Variants in COL4A2 observed in about 807,000 individuals in gnomAD.
COL4A2 encodes the protein collagen type IV alpha 2 chain.
A neutral mutation model predicts 200.2 loss-of-function variants in COL4A2; 99 were observed. The ratio of observed to expected loss-of-function variants is 0.49; its 90% confidence interval spans 0.42 to 0.58. The LOEUF is 0.58. Ranked by LOEUF, COL4A2 falls within the 20% of genes least tolerant of loss-of-function variation. The pLI, the probability that COL4A2 is intolerant of heterozygous loss-of-function variation, is 0.00. For missense variants in COL4A2, 1,950 were observed against 2,314.1 expected, an observed-to-expected ratio of 0.84 and a Z score of 3.23; for synonymous variants, 897 against 900.6, an observed-to-expected ratio of 1.00 and a Z score of 0.07.
intron 3 of COL4A2, among the ~76,000 whole-genome samples, chr13:110,327,605 T>C (rs1042922530): frequency 3.9e-5 from 6 of 152,086 alleles, no homozygotes; most frequent in Non-Finnish European, 8.8e-5. Flanking sequence ...AGATTGGGGG[T>C]GGGGTGTTGG....
intron 45 of COL4A2, among the ~76,000 whole-genome samples, chr13:110,506,102 G>C (rs1033664198): frequency 3.9e-5 from 6 of 152,198 alleles, no homozygotes; most frequent in African/African-American, 1.2e-4. Flanking sequence ...TGGGTCCCGA[G>C]GTTTCTGTGG....
intron 4 of COL4A2, among the ~76,000 whole-genome samples, chr13:110,378,987 C>CG (rs1878355043): frequency 6.6e-6 from 1 of 152,146 alleles, no homozygotes; most frequent in African/African-American, 2.4e-5. Flanking sequence ...ATCATGGAGC[C>CG]GGGGGCATTT....
chr13:110,327,349 C>T (rs1885446002), intron 3 of COL4A2, among the ~76,000 whole-genome samples: 1 of 152,242 alleles, frequency 6.6e-6, no homozygotes, highest in South Asian at 2.1e-4. Flanking sequence ...ACACAATCAC[C>T]CACTCCGGGT....
intron 4 of COL4A2, among the ~76,000 whole-genome samples, chr13:110,382,864 G>A (rs1436935998): frequency 3.3e-5 from 5 of 152,096 alleles, no homozygotes; most frequent in East Asian, 1.9e-4. Context: ...AAAATAATCC[G>A]CAGATAATTT....
At chr13:110,321,237 C>G (rs1215233082) in intron 3 of COL4A2, among the ~76,000 whole-genome samples, 2 of 146,268 alleles carry the variant, frequency 1.4e-5, no homozygotes, top group African/African-American at 5.5e-5. Flanking sequence ...CACACACACA[C>G]ACACATAGAG....
chr13:110,347,070 G>T (rs557028481), intron 3 of COL4A2, among the ~76,000 whole-genome samples: 1 of 152,220 alleles, frequency 6.6e-6, no homozygotes, highest in Non-Finnish European at 1.5e-5. Flanking sequence ...CTCTAGAAAG[G>T]CACTGAGTGT....
intron 3 of COL4A2, chr13:110,328,243 C>T (rs1337620775): frequency 2.0e-5 from 3 of 152,186 alleles, no homozygotes; most frequent in Admixed American, 2.0e-4. Flanking sequence ...CCTGAAGAGC[C>T]TCTGTCGGAG....
Position 110,357,538 on chromosome 13 carries a change from G to A in COL4A2, c.166G>A (p.Glu56Lys), listed in dbSNP as rs1877332314. 3 of 1,584,520 alleles carry A rather than the reference G, an allele frequency of 1.9e-6. No homozygotes were observed. Among genetic ancestry groups the A allele is most frequent in the African/African-American group, 1.3e-5 (1 of 74,104 alleles). The change falls in exon 4 of 48, where the codon GAG (glutamate) becomes AAG (lysine). Residue 56 changes from glutamate (E) to lysine (K), a missense_variant. By Grantham distance (56) the Glu-to-Lys change is moderately conservative. Around this residue, in one of 2 missense-constraint regions of COL4A2, gnomAD observed 565 missense variants for 593.5 expected, o/e 0.95. Coordinates refer to ENST00000360467, the MANE Select transcript of COL4A2 (RefSeq NM_001846.4). ...CAGTGGGGGCTGCCAGTGCTACCCTGAGAAAGGTGGACGTGTAAGTCACAG... is the reference window on the plus strand; with the variant it reads ...CAGTGGGGGCTGCCAGTGCTACCCTAAGAAAGGTGGACGTGTAAGTCACAG... ...DCSGGCQCYP[E>K]KGGRGQPGPV...
chr13:110,372,832 T>C (rs990188063), intron 4 of COL4A2, among the ~76,000 whole-genome samples: 2 of 152,380 alleles, frequency 1.3e-5, no homozygotes, highest in Non-Finnish European at 2.9e-5. Flanking sequence ...GCAGGTTTTG[T>C]TGTTTGTCTT....
At chr13:110,332,421 C>T (rs1013807873) in intron 3 of COL4A2, among the ~76,000 whole-genome samples, 1 of 152,186 alleles carries the variant, frequency 6.6e-6, no homozygotes, top group Non-Finnish European at 1.5e-5. Context: ...GATTCAAATG[C>T]AAGAGGGATG....
intron 4 of COL4A2, among the ~76,000 whole-genome samples, chr13:110,373,553 C>T (rs771316549): frequency 2.0e-5 from 3 of 152,266 alleles, no homozygotes; most frequent in Non-Finnish European, 4.4e-5. Context: ...CAAAAAGCTG[C>T]TCTCTCCTGT....
At chr13:110,414,749 A>G (rs191807831) in intron 4 of COL4A2, among the ~76,000 whole-genome samples, 10 of 152,374 alleles carry the variant, frequency 6.6e-5, no homozygotes, top group Non-Finnish European at 1.3e-4. Flanking sequence ...ATCACTGTCT[A>G]TAATCTGTAA....
intron 4 of COL4A2, among the ~76,000 whole-genome samples, chr13:110,390,962 A>G (rs55940034): frequency 0.28 from 42,758 of 152,230 alleles, 6,240 homozygotes; most frequent in Middle Eastern, 0.31. Context: ...ATCTGACACT[A>G]TCTTTTCAAA....
At chr13:110,338,564 C>A (rs1455994313) in intron 3 of COL4A2, among the ~76,000 whole-genome samples, 1 of 152,154 alleles carries the variant, frequency 6.6e-6, no homozygotes, top group African/African-American at 2.4e-5. Flanking sequence ...TCACTGAAAA[C>A]AACGGGCCTC....
chr13:110,464,995 C>T (rs555798302), intron 24 of COL4A2, among the ~76,000 whole-genome samples: 1 of 152,306 alleles, frequency 6.6e-6, no homozygotes, highest in Admixed American at 6.5e-5. Flanking sequence ...CCTTTAACAA[C>T]GTAGCATCTC....
rs573268462 is a variant in COL4A2 at position 110,381,719 on chromosome 13, G to T, written c.180+24167G>T. Among the ~76,000 whole-genome samples, 5 of 152,288 alleles carry T rather than the reference G, an allele frequency of 3.3e-5. No individual in the cohort carries two copies. The South Asian group carries it at 1.0e-3, about 32-fold the overall frequency. On this transcript the variant is annotated intron_variant, in intron 4 of 47. Transcript: ENST00000360467. ...TTGACCCTGGACGCAGTCTGGGATT[G>T]AATCTGCCTCACTCCTTTTTCACTC...
At chr13:110,405,590 C>T (rs953943742) in intron 4 of COL4A2, among the ~76,000 whole-genome samples, 8 of 152,228 alleles carry the variant, frequency 5.3e-5, no homozygotes, top group East Asian at 1.9e-4. Context: ...TGAATGGCCC[C>T]GCAGTCAGGG....
intron 3 of COL4A2, among the ~76,000 whole-genome samples, chr13:110,339,809 T>C (rs1876367387): frequency 6.6e-6 from 1 of 152,072 alleles, no homozygotes; most frequent in Non-Finnish European, 1.5e-5. Context: ...TGCCGAGGAG[T>C]TGCTAACCTG....
rs949950997 is a variant in COL4A2, at chr13:110,485,005, G to C, written c.3003G>C (p.Leu1001=). 1.2e-6 allele frequency: 2 copies of C among 1,605,956 alleles called. No individual in the cohort carries two copies. Among genetic ancestry groups the C allele is most frequent in the Non-Finnish European group, 1.7e-6 (2 of 1,174,116 alleles). The part of the protein sequence containing the change: ...GEKGDEGPMG[L]KGYLGAKGIQ... The stretch of plus-strand genomic sequence containing the variant: ...AAGGAGATGAAGGGCCTATGGGGCT[G>C]AAAGGATACCTGGGCGCAAAAGGTG... The change falls in exon 33 of 48, where the codon CTG becomes CTC. Residue 1001 remains leucine, a synonymous_variant. Coordinates refer to ENST00000360467, the MANE Select transcript of COL4A2 (RefSeq NM_001846.4).
Sources: gnomAD v4.1 joint callset for allele counts (sites outside exome capture counted in the v4.1 genomes callset) on GRCh38, gnomAD v4.1.1 for gene constraint, gnomAD v4.1.1 regional missense constraint, MANE v1.5 for transcripts, NCBI Gene and HGNC (gene_info 2026-07-23, HGNC 2026-07-21) for gene names.